The following SLC22A23 variants were observed in gnomAD, a reference collection of about 807,000 sequenced individuals.
The protein encoded by SLC22A23 is ion transporter protein.
A neutral mutation model predicts 61.0 loss-of-function variants in SLC22A23; 26 were observed. The ratio of observed to expected loss-of-function variants is 0.43; its 90% CI spans 0.31 to 0.59. The LOEUF (loss-of-function observed/expected upper bound fraction) is 0.59, where lower values mean the gene tolerates loss of function less well. Among genes scored for constraint, SLC22A23 ranks in the 20% least tolerant of loss-of-function variants. The probability of loss-of-function intolerance (pLI) is 0.11; values close to 1 mark genes in which losing one functional copy is unlikely to be tolerated. For missense variants in SLC22A23, 796 were observed against 934.7 expected (o/e 0.85, Z 1.94); for synonymous variants, 430 against 413.9 (o/e 1.04, Z -0.47).
chr6:3,336,932 C>T lies in SLC22A23; in HGVS notation c.914-12930G>A, dbSNP rs1236552401. Among the ~76,000 whole-genome samples, 4 of 151,860 alleles carry T rather than the reference C, an allele frequency of 2.6e-5. No homozygotes were observed. The East Asian group carries it at 5.8e-4, about 22-fold the overall frequency. On this transcript the variant is annotated intron_variant, in intron 3 of 9. Transcript: ENST00000406686. ...CCACTTCAGCCTCCCACTTCAGCGT[C>T]CCTATAGCTGAGACTACAGGCACAT...
intron 2 of SLC22A23, among the ~76,000 whole-genome samples, chr6:3,412,078 G>A (rs1769296521): frequency 6.6e-6 from 1 of 152,148 alleles, no homozygotes. Flanking sequence ...GGGGATGATG[G>A]GCACAGATGC....
At chr6:3,274,880 C>T (rs1047443386) in intron 9 of SLC22A23, among the ~76,000 whole-genome samples, 1 of 141,458 alleles carries the variant, frequency 7.1e-6, no homozygotes, top group African/African-American at 3.1e-5. Context: ...AATTAGAAGA[C>T]TAAATATTAT....
intron 3 of SLC22A23, among the ~76,000 whole-genome samples, chr6:3,398,109 T>C (rs9392488): frequency 0.35 from 53,859 of 152,080 alleles, 9,916 homozygotes; most frequent in East Asian, 0.53. Context: ...CCTGGGAGCC[T>C]TGCACACTTA....
chr6:3,286,824 T>C lies in SLC22A23; in HGVS notation c.1546+35A>G, dbSNP rs1254546268. 6.5e-7 allele frequency: 1 copy of C among 1,536,876 alleles called. No homozygotes were observed. Among genetic ancestry groups the C allele is most frequent in the Admixed American group, 1.9e-5 (1 of 51,596 alleles). ...GCCCTTGGGGATCTGCCAGCTTCCC[T>C]CCCTGCACCCAGCCCACCTCCCCGA... On this transcript the variant is annotated intron_variant, in intron 7 of 9. Coordinates refer to ENST00000406686, the MANE Select transcript of SLC22A23 (RefSeq NM_015482.2). The surrounding 1 kb of genome is among the most constrained non-coding windows in gnomAD (Gnocchi z 4.2).
Position 3,330,470 on chromosome 6 carries a change from C to T in SLC22A23, c.914-6468G>A, listed in dbSNP as rs550078145. 1.4e-3 allele frequency among the ~76,000 whole-genome samples: 217 copies of T among 152,324 alleles called. No individual in the cohort carries two copies. Among genetic ancestry groups the T allele is most frequent in the African/African-American group, 5.1e-3 (210 of 41,552 alleles). On this transcript the variant is annotated intron_variant, in intron 3 of 9. Coordinates refer to ENST00000406686, the MANE Select transcript of SLC22A23 (RefSeq NM_015482.2). The surrounding 1 kb of genome is among the most constrained non-coding windows in gnomAD (Gnocchi z 4.7). ...CCTCACCATCTCCCAGACCACCATG[C>T]GAGCCTCTCTCCTCTTCCCTGCACC...
intron 1 of SLC22A23, among the ~76,000 whole-genome samples, chr6:3,417,114 A>G (rs1340908377): frequency 6.6e-6 from 1 of 152,034 alleles, no homozygotes; most frequent in African/African-American, 2.4e-5. Context: ...TCTCAGCTTC[A>G]CTAAAATTCA....
chr6:3,293,750 C>T (rs375188888), intron 5 of SLC22A23, among the ~76,000 whole-genome samples: 8 of 152,176 alleles, frequency 5.3e-5, no homozygotes, highest in African/African-American at 1.9e-4. Context: ...TAGCGTGGAA[C>T]GTGGAGGTGG....
intron 1 of SLC22A23, among the ~76,000 whole-genome samples, chr6:3,416,178 C>T (rs1440039780): frequency 6.6e-6 from 1 of 152,236 alleles, no homozygotes; most frequent in Non-Finnish European, 1.5e-5. Context: ...GCCACGGAGA[C>T]CAGGCATCCC....
rs1758511579 is a variant in SLC22A23 at position 3,272,099 on chromosome 6, G to C, written c.*956C>G. The stretch of plus-strand genomic sequence containing the variant: ...TGCTCAAGGTGTGGGTGACGGGCGT[G>C]TGTGTGTGGAGGGCAGCCCCCCTTC... On this transcript the variant is annotated 3_prime_UTR_variant, in exon 10 of 10. Transcript: ENST00000406686. 1 of 149,064 alleles carries C rather than the reference G, an allele frequency of 6.7e-6. No individual in the cohort carries two copies. 9.2% of individuals were successfully genotyped at this position (149,064 alleles called of 1,614,324 possible).
intron 4 of SLC22A23, chr6:3,311,698 GA>G (rs1363484495): frequency 2.0e-5 from 3 of 152,202 alleles, no homozygotes; most frequent in Non-Finnish European, 4.4e-5. Context: ...TCTCTTGGGA[GA>G]AAAAGTGCAT....
intron 4 of SLC22A23, among the ~76,000 whole-genome samples, chr6:3,314,469 C>T (rs1762524539): frequency 6.6e-6 from 1 of 152,212 alleles, no homozygotes; most frequent in East Asian, 1.9e-4. Flanking sequence ...CTCATCTGCA[C>T]TGGAGGCCGT....
intron 3 of SLC22A23, among the ~76,000 whole-genome samples, chr6:3,351,457 G>T (rs545951294): frequency 6.6e-6 from 1 of 152,316 alleles, no homozygotes; most frequent in African/African-American, 2.4e-5. Context: ...TGGCTGAGCT[G>T]GGCAATGAAC....
At chr6:3,319,846 C>T (rs1213855100) in intron 4 of SLC22A23, among the ~76,000 whole-genome samples, 2 of 152,182 alleles carry the variant, frequency 1.3e-5, no homozygotes, top group Non-Finnish European at 2.9e-5. Flanking sequence ...ATTGATATCT[C>T]AGCCTCAGGG....
intron 3 of SLC22A23, among the ~76,000 whole-genome samples, chr6:3,384,443 TA>T (rs1406697298): frequency 6.6e-6 from 1 of 152,158 alleles, no homozygotes; most frequent in Non-Finnish European, 1.5e-5. Context: ...GAAAATCACT[TA>T]AAAAACACAT....
At chr6:3,291,124 T>A (rs1470842730) in intron 5 of SLC22A23, 2 of 152,184 alleles carry the variant, frequency 1.3e-5, no homozygotes, top group Non-Finnish European at 2.9e-5. Context: ...CACGACAGTA[T>A]CAGACATTCG....
Position 3,342,754 on chromosome 6 carries a change from C to T in SLC22A23, c.914-18752G>A, listed in dbSNP as rs1764220649. Among the ~76,000 whole-genome samples the T allele has an allele frequency of 6.6e-6, 1 of 152,172 alleles. No homozygotes were observed. ...TGCTGGGGATGAAAACCTTTTCCTC[C>T]ACCCTCCTAGGGTCAGTGCTTGGGG... On this transcript the variant is annotated intron_variant, in intron 3 of 9. Coordinates refer to ENST00000406686, the MANE Select transcript of SLC22A23 (RefSeq NM_015482.2). This position sits in a 1 kb window ranked among gnomAD's most constrained non-coding sequence, Gnocchi z 4.0.
chr6:3,302,824 T>G (rs1761708573), intron 4 of SLC22A23: 1 of 152,186 alleles, frequency 6.6e-6, no homozygotes, highest in African/African-American at 2.4e-5. Flanking sequence ...TTTTTAAAAA[T>G]TTTTTGAGAC....
chr6:3,306,864 T>C (rs1762011374), intron 4 of SLC22A23, among the ~76,000 whole-genome samples: 1 of 152,198 alleles, frequency 6.6e-6, no homozygotes, highest in Non-Finnish European at 1.5e-5. Context: ...ATGTTCAAGC[T>C]GAGGTCACCC....
chr6:3,285,239 T>A, intron 7 of SLC22A23, 128 bp from the exon 8 acceptor site: 1 of 1,318,360 alleles, frequency 7.6e-7, no homozygotes, highest in Non-Finnish European at 1.1e-6. Flanking sequence ...CAAACTCCCT[T>A]CCGTGTCTGG....
Sources: gnomAD v4.1 joint callset for allele counts (sites outside exome capture counted in the v4.1 genomes callset) on GRCh38, gnomAD v4.1.1 for gene constraint, Gnocchi (gnomAD v3.1) non-coding constraint, MANE v1.5 for transcripts, NCBI Gene and HGNC (gene_info 2026-07-23, HGNC 2026-07-21) for gene names.